The following NBEA variants were observed in gnomAD, a reference collection of about 807,000 sequenced individuals.
NBEA encodes lysosomal-trafficking regulator 2.
In NBEA, 44 loss-of-function variants were observed where a neutral mutation model predicts 343.4. The ratio of observed to expected loss-of-function variants is 0.13; its 90% CI spans 0.10 to 0.16. NBEA has a LOEUF of 0.16. NBEA is among the 10% of genes least tolerant of loss of function. The pLI, the probability that NBEA is intolerant of heterozygous loss-of-function variation, is 1.00. For missense variants in NBEA, 2,555 were observed against 3,631.3 expected (o/e 0.70, Z 7.62); for synonymous variants, 1,175 against 1,238.7 (o/e 0.95, Z 1.08).
chr13:35,516,336 A>C (rs561101673), intron 41 of NBEA, among the ~76,000 whole-genome samples: 3 of 152,296 alleles, frequency 2.0e-5, no homozygotes, highest in Non-Finnish European at 2.9e-5. Context: ...TGTATCATAC[A>C]CAGACATGCA....
At chr13:35,545,605 C>G (rs1270956019) in intron 41 of NBEA, among the ~76,000 whole-genome samples, 1 of 152,174 alleles carries the variant, frequency 6.6e-6, no homozygotes, top group African/African-American at 2.4e-5. Context: ...AATTGATGCT[C>G]AAGAAGGGGT....
At chr13:35,297,583 A>G (rs886979410) in intron 35 of NBEA, among the ~76,000 whole-genome samples, 1 of 152,022 alleles carries the variant, frequency 6.6e-6, no homozygotes, top group African/African-American at 2.4e-5. Context: ...CTACTTAAGG[A>G]TGACACAGAA....
At chr13:35,014,702 C>T (rs75126825) in intron 1 of NBEA, among the ~76,000 whole-genome samples, 1,550 of 151,990 alleles carry the variant, frequency 0.01, 23 homozygotes, top group African/African-American at 0.029. Flanking sequence ...GGTGCCTACT[C>T]CCTGCAAACA....
chr13:35,103,251 T>G (rs186676941), intron 11 of NBEA, among the ~76,000 whole-genome samples: 1 of 151,942 alleles, frequency 6.6e-6, no homozygotes, highest in East Asian at 1.9e-4. Flanking sequence ...TGGTTTTCAT[T>G]CTTACATGTC....
chr13:35,039,742 A>G (rs1386120652), intron 1 of NBEA, among the ~76,000 whole-genome samples: 1 of 152,148 alleles, frequency 6.6e-6, no homozygotes, highest in Non-Finnish European at 1.5e-5. Flanking sequence ...AGTATTTGTG[A>G]ATACCTTTCA....
At chr13:35,513,092 C>G (rs2077343537) in intron 41 of NBEA, among the ~76,000 whole-genome samples, 1 of 150,560 alleles carries the variant, frequency 6.6e-6, no homozygotes, top group African/African-American at 2.4e-5. Flanking sequence ...TTCCTGAACT[C>G]GTTTGTTTTT....
At chr13:35,603,353 G>A (rs2082141340) in intron 47 of NBEA, among the ~76,000 whole-genome samples, 1 of 152,084 alleles carries the variant, frequency 6.6e-6, no homozygotes. Flanking sequence ...CTTTGCGTTT[G>A]CCCAGATTTT....
intron 38 of NBEA, among the ~76,000 whole-genome samples, chr13:35,425,724 T>A (rs2044621041): frequency 6.6e-6 from 1 of 152,200 alleles, no homozygotes; most frequent in Non-Finnish European, 1.5e-5. Context: ...GTCTCATTGA[T>A]CTGTCTAATG....
chr13:35,494,386 G>A (rs899791045), intron 41 of NBEA, among the ~76,000 whole-genome samples: 5 of 151,924 alleles, frequency 3.3e-5, no homozygotes, highest in African/African-American at 1.2e-4. Context: ...AAGCAAATAA[G>A]ATCTAAATTT....
intron 34 of NBEA, among the ~76,000 whole-genome samples, chr13:35,248,774 T>C (rs930932629): frequency 6.6e-6 from 1 of 152,174 alleles, no homozygotes; most frequent in Non-Finnish European, 1.5e-5. Context: ...CCTTTCTCCA[T>C]ATACCAAAAT....
chr13:35,178,293 T>C (rs534020107), intron 28 of NBEA, among the ~76,000 whole-genome samples: 57 of 151,876 alleles, frequency 3.8e-4, no homozygotes, highest in Non-Finnish European at 6.6e-4. Context: ...TAGAACCCAG[T>C]CGTTCTAGTC....
chr13:35,597,379 T>G (rs1329136070), intron 47 of NBEA, among the ~76,000 whole-genome samples: 1 of 152,202 alleles, frequency 6.6e-6, no homozygotes, highest in Admixed American at 6.6e-5. Flanking sequence ...TTAAACTACT[T>G]AGACTTTTTC....
chr13:35,089,031 A>G (rs528994490), intron 10 of NBEA, among the ~76,000 whole-genome samples: 1 of 118,544 alleles, frequency 8.4e-6, no homozygotes, highest in East Asian at 2.3e-4. Flanking sequence ...ACCAAAAGCA[A>G]TGGCAACAAA....
At chr13:35,172,026 TA>T (rs1230486432) in intron 26 of NBEA, among the ~76,000 whole-genome samples, 1 of 152,026 alleles carries the variant, frequency 6.6e-6, no homozygotes, top group Admixed American at 6.6e-5. Flanking sequence ...CTACCTCTCT[TA>T]AAAGGAACAT....
At chr13:35,012,725 A>G (rs2061527124) in intron 1 of NBEA, among the ~76,000 whole-genome samples, 1 of 152,258 alleles carries the variant, frequency 6.6e-6, no homozygotes, top group Non-Finnish European at 1.5e-5. Context: ...AACAATGGTT[A>G]TATAGTCTTG....
At chr13:35,429,668 T>A (rs867309750) in intron 38 of NBEA, among the ~76,000 whole-genome samples, 2 of 152,216 alleles carry the variant, frequency 1.3e-5, no homozygotes, top group Middle Eastern at 3.4e-3. Flanking sequence ...CAGTATTTGG[T>A]TATGTGAATA....
intron 1 of NBEA, among the ~76,000 whole-genome samples, chr13:35,011,192 T>C (rs931410112): frequency 6.6e-6 from 1 of 152,014 alleles, no homozygotes; most frequent in Non-Finnish European, 1.5e-5. Flanking sequence ...GGTTAATAGA[T>C]AGAACATATC....
chr13:35,456,381 C>T (rs1352177605), intron 40 of NBEA, among the ~76,000 whole-genome samples: 1 of 151,884 alleles, frequency 6.6e-6, no homozygotes, highest in Non-Finnish European at 1.5e-5. Flanking sequence ...TAGAAGTATG[C>T]CAATCAATAA....
At chr13:35,124,697 TAC>T (rs895718395) in intron 17 of NBEA, among the ~76,000 whole-genome samples, 10 of 151,460 alleles carry the variant, frequency 6.6e-5, no homozygotes, top group African/African-American at 2.2e-4. Flanking sequence ...TGGATATATA[TAC>T]ACACATATAT....
Sources: gnomAD v4.1 joint callset for allele counts (sites outside exome capture counted in the v4.1 genomes callset) on GRCh38, gnomAD v4.1.1 for gene constraint, MANE v1.5 for transcripts, NCBI Gene and HGNC (gene_info 2026-07-23, HGNC 2026-07-21) for gene names.